The following PMFBP1 variants were observed in gnomAD, a reference collection of about 807,000 sequenced individuals.
PMFBP1 encodes the protein polyamine-modulated factor 1-binding protein 1.
Under a neutral mutation model 137.8 loss-of-function variants are expected in PMFBP1, and 131 were observed. The ratio of observed to expected loss-of-function variants is 0.95; its 90% CI spans 0.82 to 1.10. The LOEUF is 1.10. PMFBP1 is among the 50% of genes least tolerant of loss of function. The pLI, the probability that PMFBP1 is intolerant of heterozygous loss-of-function variation, is 0.00. For synonymous variants in PMFBP1, 490 were observed against 450.4 expected, an observed-to-expected ratio of 1.09 and a Z score of -1.11; for missense variants, 1,199 against 1,175.4, an observed-to-expected ratio of 1.02 and a Z score of -0.29.
chr16:72,166,495 C>CA (rs1480348186), intron 2 of PMFBP1, among the ~76,000 whole-genome samples: 1 of 152,138 alleles, frequency 6.6e-6, no homozygotes, highest in Non-Finnish European at 1.5e-5. Context: ...TGGGCTAATA[C>CA]AGTACCTATC....
chr16:72,130,526 TG>T lies in PMFBP1; in HGVS notation c.1637+6del. ...CTCTCTCTGGAGGGGAGCCTGAGCCTGGGCACCTGTTGGAGGTTTGTTCCTT... is the reference window on the plus strand; with the variant it reads ...CTCTCTCTGGAGGGGAGCCTGAGCCTGGCACCTGTTGGAGGTTTGTTCCTT... On this transcript the variant is annotated splice_donor_region_variant and intron_variant, in intron 11 of 20. Coordinates refer to ENST00000237353, the MANE Select transcript of PMFBP1 (RefSeq NM_031293.3). 1 of 1,614,046 alleles carries T rather than the reference TG, an allele frequency of 6.2e-7. No homozygotes were observed. Among genetic ancestry groups the T allele is most frequent in the Non-Finnish European group, 8.5e-7 (1 of 1,179,948 alleles).
the PMFBP1 span, among the ~76,000 whole-genome samples, chr16:72,230,999 C>T: frequency 2.6e-5 from 4 of 152,188 alleles, no homozygotes; most frequent in East Asian, 7.7e-4. Flanking sequence ...AAACATAGTT[C>T]TCCTGGAGAC....
intron 10 of PMFBP1, among the ~76,000 whole-genome samples, chr16:72,131,095 AGAGAGATCCACATGGGTTAGAAC>A (rs1292010954): frequency 2.6e-5 from 4 of 152,208 alleles, no homozygotes; most frequent in Non-Finnish European, 5.9e-5. Context: ...AGGCTCAGGA[AGAGAGATCCACATGGGTTAGAAC>A]GCTTGGAGAT....
intron 5 of PMFBP1, among the ~76,000 whole-genome samples, chr16:72,141,366 G>A (rs2042719931): frequency 6.6e-6 from 1 of 152,182 alleles, no homozygotes; most frequent in Admixed American, 6.5e-5. Flanking sequence ...AATTACATAA[G>A]TAATTATATT....
chr16:72,136,384 TAATG>T, intron 9 of PMFBP1, 60 bp downstream of exon 9: 1 of 1,560,954 alleles, frequency 6.4e-7, no homozygotes, highest in Non-Finnish European at 8.7e-7. Context: ...CAGAACCGGT[TAATG>T]CCAGGACATG....
At position 72,120,046 on chromosome 16, in the gene PMFBP1, T is replaced by C. The variant is rs1471438473; in HGVS notation, c.2812A>G (p.Lys938Glu). Residue 938 changes from lysine to glutamate, a missense_variant, in exon 20 of 21, where the codon AAG becomes GAG. Lys to Glu is a moderately conservative substitution (Grantham distance 56). Coordinates refer to ENST00000237353, the MANE Select transcript of PMFBP1 (RefSeq NM_031293.3). Reference sequence around the variant, plus strand: ...TTCTCTTCTATCTCCTTCTTCAGCTTCTTGTTTTCCTGCTGCAAGTGGACC... The same window carrying C: ...TTCTCTTCTATCTCCTTCTTCAGCTCCTTGTTTTCCTGCTGCAAGTGGACC... ...VMVHLQQENK[K>E]LKKEIEEKKM... 6.2e-7 allele frequency: 1 copy of C among 1,614,158 alleles called. No individual in the cohort carries two copies. Among genetic ancestry groups the C allele is most frequent in the Non-Finnish European group, 8.5e-7 (1 of 1,180,016 alleles).
chr16:72,204,541 T>G, the PMFBP1 span, among the ~76,000 whole-genome samples: 6 of 152,120 alleles, frequency 3.9e-5, no homozygotes, highest in Non-Finnish European at 7.4e-5. Flanking sequence ...TGGGCAGTCC[T>G]TTAAGAGCAG....
rs541961363 is a variant in PMFBP1, at chr16:72,140,298, A to T, written c.807+114T>A. 17 of 1,118,128 alleles carry T rather than the reference A, an allele frequency of 1.5e-5. No homozygotes were observed. The African/African-American group carries it at 1.7e-4, about 11-fold the overall frequency. The allele number at this position is 1,118,128 out of a possible 1,614,324, so 69.3% of individuals were successfully genotyped here. Reference sequence around the variant, plus strand: ...GTTGGGGGGCAAGTATATATCAGACATTTGAGGATTCTCGGCGAAAAAGAT... The same window carrying T: ...GTTGGGGGGCAAGTATATATCAGACTTTTGAGGATTCTCGGCGAAAAAGAT... On this transcript the variant is annotated intron_variant, in intron 6 of 20. Coordinates refer to ENST00000237353, the MANE Select transcript of PMFBP1 (RefSeq NM_031293.3).
chr16:72,121,271 C>A (rs550308339), intron 19 of PMFBP1, among the ~76,000 whole-genome samples: 7 of 152,330 alleles, frequency 4.6e-5, no homozygotes, highest in African/African-American at 1.4e-4. Context: ...GCCTCTTCCC[C>A]CGCCCAGTAG....
At chr16:72,165,780 G>A (rs2043136680) in intron 2 of PMFBP1, among the ~76,000 whole-genome samples, 1 of 152,138 alleles carries the variant, frequency 6.6e-6, no homozygotes, top group African/African-American at 2.4e-5. Context: ...CTGGGCTGGT[G>A]GCGTAAGATT....
At chr16:72,225,784 G>A in the PMFBP1 span, among the ~76,000 whole-genome samples, 5 of 150,194 alleles carry the variant, frequency 3.3e-5, no homozygotes, top group Non-Finnish European at 4.4e-5. Flanking sequence ...CTCTTATTTC[G>A]ACATAATCCT....
At chr16:72,234,816 T>G in the PMFBP1 span, among the ~76,000 whole-genome samples, 1 of 152,218 alleles carries the variant, frequency 6.6e-6, no homozygotes, top group Non-Finnish European at 1.5e-5. Flanking sequence ...TGTTTTTATG[T>G]GCTTATTGAC....
chr16:72,121,261 G>A (rs908243485), intron 19 of PMFBP1, among the ~76,000 whole-genome samples: 2 of 152,150 alleles, frequency 1.3e-5, no homozygotes, highest in African/African-American at 4.8e-5. Context: ...CCTTGAGGTC[G>A]CCTCTTCCCC....
chr16:72,140,388 C>A (rs1389216924), intron 6 of PMFBP1, 24 bp downstream of exon 6: 1 of 1,593,406 alleles, frequency 6.3e-7, no homozygotes, highest in Non-Finnish European at 8.6e-7. Context: ...CTCCCAGAGA[C>A]ATGTTCTAGA....
Position 72,122,812 on chromosome 16 carries a change from C to T in PMFBP1, c.2768+102G>A, listed in dbSNP as rs182054234. The T allele has an allele frequency of 1.1e-5, 12 of 1,109,996 alleles. No individual in the cohort carries two copies. The African/African-American group carries it at 1.1e-4, about 10-fold the overall frequency. The allele number at this position is 1,109,996 out of a possible 1,614,324, so 68.8% of individuals were successfully genotyped here. On this transcript the variant is annotated intron_variant, in intron 19 of 20. Coordinates refer to ENST00000237353, the MANE Select transcript of PMFBP1 (RefSeq NM_031293.3). The stretch of plus-strand genomic sequence containing the variant: ...GTCTTTCCAAAGCACCAGGCCTTTC[C>T]TGGGCTGATCCCCCTATCAAGGGCT...
At chr16:72,162,325 A>C (rs999865461) in intron 3 of PMFBP1, among the ~76,000 whole-genome samples, 47 of 152,130 alleles carry the variant, frequency 3.1e-4, no homozygotes, top group African/African-American at 1.1e-3. Context: ...TGTTCCTGGG[A>C]TTGGGAGCAT....
Position 72,123,002 on chromosome 16 carries a change from A to G in PMFBP1, c.2694-14T>C. On this transcript the variant is annotated splice_polypyrimidine_tract_variant and intron_variant, in intron 18 of 20. Coordinates refer to ENST00000237353, the MANE Select transcript of PMFBP1 (RefSeq NM_031293.3). ...TCATTGGCGACCCTGTAATAAAATC[A>G]CAGGAGAAAACAGCAGCCAGTCGCC... 6.2e-7 allele frequency: 1 copy of G among 1,609,164 alleles called. No homozygotes were observed. Among genetic ancestry groups the G allele is most frequent in the Middle Eastern group, 1.7e-4 (1 of 5,998 alleles).
At chr16:72,236,732 C>T in the PMFBP1 span, among the ~76,000 whole-genome samples, 4 of 152,262 alleles carry the variant, frequency 2.6e-5, no homozygotes, top group Admixed American at 2.6e-4. Context: ...GTACACCTCA[C>T]TTATATCCAC....
chr16:72,213,313 T>C, the PMFBP1 span, among the ~76,000 whole-genome samples: 1 of 152,150 alleles, frequency 6.6e-6, no homozygotes, highest in Non-Finnish European at 1.5e-5. Flanking sequence ...ACTTAGTGAC[T>C]TGCTTCTAAT....
Sources: allele counts gnomAD v4.1 joint callset (sites outside exome capture counted in the v4.1 genomes callset), GRCh38; gene constraint gnomAD v4.1.1; transcripts MANE v1.5; gene names NCBI Gene and HGNC (gene_info 2026-07-23, HGNC 2026-07-21).